The following DDX3Y variants were observed in gnomAD, a reference collection of about 807,000 sequenced individuals.
DDX3Y encodes the protein ATP-dependent RNA helicase DDX3Y.
Under a neutral mutation model 15.1 loss-of-function variants are expected in DDX3Y, and 2 were observed. The ratio of observed to expected loss-of-function variants is 0.13; its 90% CI spans 0.05 to 0.42. DDX3Y has a LOEUF of 0.42. Ranked by LOEUF, DDX3Y falls within the 10% of genes least tolerant of loss-of-function variation. The pLI, the probability that DDX3Y is intolerant of heterozygous loss-of-function variation, is 0.99. For synonymous variants in DDX3Y, 47 were observed against 45.0 expected (o/e 1.04, Z -0.18); for missense variants, 81 against 149.9 (o/e 0.54, Z 2.40).
chrY:12,917,380 C>T lies in DDX3Y; in HGVS notation c.1764-23C>T. 4 of 393,823 alleles carry T rather than the reference C, an allele frequency of 1.0e-5. No individual in the cohort carries two copies. The African/African-American group carries it at 2.6e-4, about 26-fold the overall frequency. On this transcript the variant is annotated intron_variant, in intron 15 of 16. Transcript: ENST00000336079. ...TAATTGAACTTTGTACTTAACACTG[C>T]CATGCCATATTTTTGCTTACAGTAA...
At chrY:12,914,180 T>C (rs2148299003) in intron 7 of DDX3Y, among the ~76,000 whole-genome samples, 2 of 34,307 alleles carry the variant, frequency 5.8e-5, no homozygotes, top group South Asian at 1.3e-3. Flanking sequence ...TATTGAAATA[T>C]AGCCATACCC....
chrY:12,904,742 G>A, upstream of DDX3Y: 2 of 157,411 alleles, frequency 1.3e-5, no homozygotes, highest in African/African-American at 8.8e-5. Flanking sequence ...TAGCGATAAA[G>A]GGATTGGGTG....
chrY:12,913,052 A>G lies in DDX3Y; in HGVS notation c.527A>G (p.His176Arg). 2.6e-6 allele frequency: 1 copy of G among 389,799 alleles called. No homozygotes were observed. The highest frequency in any genetic ancestry group is 3.6e-6 in the Non-Finnish European group (1 of 275,794). ...GCAACCGGCAGTAACTGTCCTCCAC[A>G]TATTGAGAATGTAAGTTTTTTGTTT... ...VEATGSNCPP[H>R]IENFSDIDMG... Residue 176 changes from histidine (H) to arginine (R), a missense_variant, in exon 6 of 17, where the codon CAT (histidine) becomes CGT (arginine). By Grantham distance (29) the His-to-Arg change is conservative (BLOSUM62 0). Around this residue, in one of 2 missense-constraint regions of DDX3Y, gnomAD observed 52 missense variants for 122.8 expected, o/e 0.42. Transcript: ENST00000336079.
At chrY:12,904,800 G>C, upstream of DDX3Y, 2 of 209,228 alleles carry the variant, frequency 9.6e-6, no homozygotes, top group South Asian at 7.3e-5. Flanking sequence ...TGTGCGTGCT[G>C]TCGTATAGCT....
intron 1 of DDX3Y, chrY:12,905,769 C>T: frequency 3.2e-6 from 1 of 316,214 alleles, no homozygotes; most frequent in Non-Finnish European, 4.3e-6. Context: ...TCTCTTGACC[C>T]TGTAGAAATA....
Position 12,909,367 on chromosome Y carries a change from C to T in DDX3Y, c.111C>T (p.Arg37=). ...TTACATTTTCTCTTTTAGAAGGGCG[C>T]TATATACCTCCTCACTTAAGGAACA... is the stretch of plus-strand genomic sequence containing the variant. ...SGGASTASKG[R]YIPPHLRNRE... is the part of the protein sequence containing the mutation. Residue 37 remains arginine, a synonymous_variant, in exon 3 of 17, where the codon CGC becomes CGT. Transcript: ENST00000336079. The T allele has an allele frequency of 2.5e-6, 1 of 395,487 alleles. No individual in the cohort carries two copies. Among genetic ancestry groups the T allele is most frequent in the Non-Finnish European group, 3.6e-6 (1 of 281,383 alleles).
intron 4 of DDX3Y, 50 bp from the exon 5 acceptor site, chrY:12,912,677 T>C: frequency 2.6e-6 from 1 of 391,801 alleles, no homozygotes; most frequent in Non-Finnish European, 3.6e-6. Context: ...AGAGCGATGA[T>C]AATCTAACAT....
At chrY:12,905,451 G>T (rs994377527) in intron 1 of DDX3Y, among the ~76,000 whole-genome samples, 1 of 34,220 alleles carries the variant, frequency 2.9e-5, no homozygotes, top group Non-Finnish European at 7.3e-5. Context: ...CGAGAAGAAA[G>T]AGTAGTATGG....
chrY:12,917,663 G>A, intron 16 of DDX3Y, 121 bp downstream of exon 16: 1 of 195,291 alleles, frequency 5.1e-6, no homozygotes, highest in Admixed American at 1.4e-4. Context: ...CTCACTGGAA[G>A]TGACTCTCCT....
chrY:12,919,930 G>A lies in DDX3Y; in HGVS notation c.*1808G>A, dbSNP rs2053661348. 2.9e-5 allele frequency: 1 copy of A among 33,917 alleles called. No homozygotes were observed. The allele number at this position is 33,917 out of a possible 400,897, so 8.5% of individuals were successfully genotyped here. Reference sequence around the variant, plus strand: ...TTTAAAGAAACTTGACCAAAAGACAGTACAAAAAACACTGGCACTTGAATG... The same window carrying A: ...TTTAAAGAAACTTGACCAAAAGACAATACAAAAAACACTGGCACTTGAATG... On this transcript the variant is annotated 3_prime_UTR_variant, in exon 17 of 17. Coordinates refer to ENST00000336079, the MANE Select transcript of DDX3Y (RefSeq NM_004660.5).
upstream of DDX3Y, chrY:12,904,356 T>C (rs2053604906): frequency 2.7e-5 from 1 of 36,508 alleles, no homozygotes. Context: ...GTAACCCTTA[T>C]CTATCTTGGC....
intron 10 of DDX3Y, 130 bp from the exon 11 acceptor site, chrY:12,915,500 A>G: frequency 1.5e-5 from 3 of 196,310 alleles, no homozygotes; most frequent in Admixed American, 2.1e-4. Flanking sequence ...TGTTGAGTAT[A>G]TGTCAAATTG....
chrY:12,909,493 A>G, intron 3 of DDX3Y, 86 bp downstream of exon 3: 1 of 221,021 alleles, frequency 4.5e-6, no homozygotes, highest in Non-Finnish European at 7.3e-6. Context: ...AGGTCTATAA[A>G]TGTTTTTTGT....
Position 12,907,528 on chromosome Y carries a change from C to G in DDX3Y, c.46-9C>G. 2.8e-6 allele frequency: 1 copy of G among 356,107 alleles called. No homozygotes were observed. The allele number at this position is 356,107 out of a possible 400,897, so 88.8% of individuals were successfully genotyped here. ...GTATCAGCATGTGAGCTATTGATATCTCTTCTAGCTTGCTAATCTGGACCT... is the reference window on the plus strand; with the variant it reads ...GTATCAGCATGTGAGCTATTGATATGTCTTCTAGCTTGCTAATCTGGACCT... On this transcript the variant is annotated splice_polypyrimidine_tract_variant and intron_variant, in intron 1 of 16. Transcript: ENST00000336079.
At chrY:12,908,557 C>G in intron 2 of DDX3Y, among the ~76,000 whole-genome samples, 1 of 34,244 alleles carries the variant, frequency 2.9e-5, no homozygotes, top group Non-Finnish European at 7.3e-5. Context: ...TTCATAAGTT[C>G]TTTTACTTCT....
At chrY:12,909,928 A>C in intron 3 of DDX3Y, among the ~76,000 whole-genome samples, 1 of 33,224 alleles carries the variant, frequency 3.0e-5, no homozygotes, top group Non-Finnish European at 7.4e-5. Context: ...TTTACTATTA[A>C]ATTTGTAATT....
In DDX3Y at chrY:12,918,149, A is replaced by G; in HGVS notation, c.*27A>G. On this transcript the variant is annotated 3_prime_UTR_variant, in exon 17 of 17. Coordinates refer to ENST00000336079, the MANE Select transcript of DDX3Y (RefSeq NM_004660.5). ...TCTGCTTTGCAGCAAAGTCACCCTT[A>G]CAAAGAAGCTAATATGGAAACCACA... The G allele has an allele frequency of 2.9e-6, 1 of 343,096 alleles. No homozygotes were observed. 85.6% of individuals were successfully genotyped at this position (343,096 alleles called of 400,897 possible).
At chrY:12,908,878 G>T in intron 2 of DDX3Y, among the ~76,000 whole-genome samples, 1 of 32,448 alleles carries the variant, frequency 3.1e-5, no homozygotes, top group African/African-American at 1.2e-4. Context: ...AGTAGAGACA[G>T]GGTTTCACCT....
rs781154082 is a variant in DDX3Y, at chrY:12,912,955, G to C, written c.438-8G>C. 2.5e-6 allele frequency: 1 copy of C among 393,746 alleles called. No individual in the cohort carries two copies. The highest frequency in any genetic ancestry group is 9.3e-5 in the East Asian group (1 of 10,752). On this transcript the variant is annotated splice_region_variant and splice_polypyrimidine_tract_variant and intron_variant, in intron 5 of 16. Transcript: ENST00000336079. ...TATAACATGTATGTAATAATTGTTTGATTTCAGAGAACTGTTTTCTGGAGG... is the reference window on the plus strand; with the variant it reads ...TATAACATGTATGTAATAATTGTTTCATTTCAGAGAACTGTTTTCTGGAGG...
Sources: gnomAD v4.1 joint callset for allele counts (sites outside exome capture counted in the v4.1 genomes callset) on GRCh38, gnomAD v4.1.1 for gene constraint, gnomAD v4.1.1 regional missense constraint, MANE v1.5 for transcripts, NCBI Gene and HGNC (gene_info 2026-07-23, HGNC 2026-07-21) for gene names.